Variants in KIAA1614 observed in about 807,000 individuals in gnomAD.
KIAA1614 encodes the protein uncharacterized protein KIAA1614.
Under a neutral mutation model 88.7 loss-of-function variants are expected in KIAA1614, and 76 were observed. That is an observed-to-expected ratio of 0.86 (90% CI 0.71 to 1.04). The LOEUF (loss-of-function observed/expected upper bound fraction) is 1.04. Ranked by LOEUF, KIAA1614 falls within the 50% of genes least tolerant of loss-of-function variation. The probability of loss-of-function intolerance (pLI) is 0.00; values close to 1 mark genes in which losing one functional copy is unlikely to be tolerated. For synonymous variants in KIAA1614, 714 were observed against 675.5 expected, an observed-to-expected ratio of 1.06 and a Z score of -0.88; for missense variants, 1,553 against 1,582.5, an observed-to-expected ratio of 0.98 and a Z score of 0.32.
rs1455982762 is a variant in KIAA1614 at position 180,950,446 on chromosome 1, G to A, written c.*4858G>A. 2 of 1,183,532 alleles carry A rather than the reference G, an allele frequency of 1.7e-6. No homozygotes were observed. The highest frequency in any genetic ancestry group is 1.5e-5 in the South Asian group (1 of 66,068). 73.3% of individuals were successfully genotyped at this position (1,183,532 alleles called of 1,614,324 possible). On this transcript the variant is annotated 3_prime_UTR_variant, in exon 9 of 9. Coordinates refer to ENST00000367588, the MANE Select transcript of KIAA1614 (RefSeq NM_020950.2). ...AGGTGAACGGGGCCAAGGTGGCAGG[G>A]CTGGGCTTGGCTCACATTAAGGAGC...
At position 180,935,309 on chromosome 1, in the gene KIAA1614, G is replaced by A. The variant is rs1285813274; in HGVS notation, c.1400G>A (p.Arg467Gln). Reference protein sequence around the residue: ...AREAEFRHLERLQQRQRQVLS... With the variant: ...AREAEFRHLEQLQQRQRQVLS... ...GAAGCCGAGTTCCGTCACCTGGAGCGGCTGCAGCAGCGCCAGCGCCAGGTG... is the reference window on the plus strand; with the variant it reads ...GAAGCCGAGTTCCGTCACCTGGAGCAGCTGCAGCAGCGCCAGCGCCAGGTG... Residue 467 changes from arginine (R) to glutamine (Q), a missense_variant, in exon 5 of 9, where the codon CGG becomes CAG. Coordinates refer to ENST00000367588, the MANE Select transcript of KIAA1614 (RefSeq NM_020950.2). This position sits in a 1 kb window ranked among gnomAD's most constrained non-coding sequence, Gnocchi z 6.1. The A allele has an allele frequency of 3.4e-6, 5 of 1,484,766 alleles. No homozygotes were observed. The highest frequency in any genetic ancestry group is 2.5e-5 in the East Asian group (1 of 39,950). 92.0% of individuals were successfully genotyped at this position (1,484,766 alleles called of 1,614,324 possible). A position where few individuals can be genotyped will look rare whatever the true frequency, so the allele number is the denominator to read the frequency against.
At chr1:180,942,611 TG>T (rs1303430871) in intron 7 of KIAA1614, among the ~76,000 whole-genome samples, 1 of 152,202 alleles carries the variant, frequency 6.6e-6, no homozygotes, top group Non-Finnish European at 1.5e-5. Context: ...ATATTGAAGC[TG>T]GGGGGAATCG....
At position 180,916,375 on chromosome 1, in the gene KIAA1614, A is replaced by G. The variant is rs771117210; in HGVS notation, c.272A>G (p.Lys91Arg). The stretch of plus-strand genomic sequence containing the variant: ...CTGGAATCCAAGGTGAGGGCTTTGA[A>G]GGAGAAGATGACAGTGGCCAAACAG... ...SVLESKVRAL[K>R]EKMTVAKQGV... The change falls in exon 2 of 9, where the codon AAG (lysine) becomes AGG (arginine). Residue 91 changes from lysine (K) to arginine (R), a missense_variant. Coordinates refer to ENST00000367588, the MANE Select transcript of KIAA1614 (RefSeq NM_020950.2). 9.3e-6 allele frequency: 15 copies of G among 1,614,062 alleles called. No homozygotes were observed. Among genetic ancestry groups the G allele is most frequent in the Non-Finnish European group, 1.0e-5 (12 of 1,180,038 alleles).
intron 4 of KIAA1614, among the ~76,000 whole-genome samples, chr1:180,934,248 G>A (rs1446648293): frequency 4.5e-4 from 35 of 77,506 alleles, no homozygotes; most frequent in African/African-American, 1.4e-3. Flanking sequence ...GTAAAACTCC[G>A]TCTCAAAAAA....
Position 180,950,619 on chromosome 1 carries a change from T to A in KIAA1614, c.*5031T>A. The A allele has an allele frequency of 1.3e-5, 9 of 704,094 alleles. No individual in the cohort carries two copies. The highest frequency in any genetic ancestry group is 1.3e-4 in the East Asian group (1 of 7,686). The allele number at this position is 704,094 out of a possible 1,614,324, so 43.6% of individuals were successfully genotyped here. On this transcript the variant is annotated 3_prime_UTR_variant, in exon 9 of 9. Coordinates refer to ENST00000367588, the MANE Select transcript of KIAA1614 (RefSeq NM_020950.2). ...TTGGCAGGAACGTGCTGCACAGAGC[T>A]GCTCTGTGGCGGAAACAGATCCTGG...
Position 180,943,099 on chromosome 1 carries a change from T to C in KIAA1614, c.3160-1290T>C, listed in dbSNP as rs530022711. On this transcript the variant is annotated intron_variant, in intron 7 of 8. Transcript: ENST00000367588. ...TGGAGTGCAGTGGCGCAATGTCTGC[T>C]CACTGCAACCTCGACCTCCCAGGTT... 4.6e-5 allele frequency among the ~76,000 whole-genome samples: 7 copies of C among 151,126 alleles called. 1 individual carries two copies. In the South Asian group the frequency reaches 1.5e-3, roughly 32 times the overall value.
rs746042155 is a variant in KIAA1614, at chr1:180,935,257, G to A, written c.1348G>A (p.Val450Met). 1.3e-6 allele frequency: 2 copies of A among 1,523,690 alleles called. No homozygotes were observed. The highest frequency in any genetic ancestry group is 2.5e-5 in the East Asian group (1 of 40,130). 94.4% of individuals were successfully genotyped at this position (1,523,690 alleles called of 1,614,324 possible). A position where few individuals can be genotyped will look rare whatever the true frequency, so the allele number is the denominator to read the frequency against. ...GAGGCGGGGCCCCTCGCCGTCGCACGTGCGCTTTGAGGATGAGTCCGCCCG... is the reference window on the plus strand; with the variant it reads ...GAGGCGGGGCCCCTCGCCGTCGCACATGCGCTTTGAGGATGAGTCCGCCCG... ...RPRRGPSPSH[V>M]RFEDESAREA... Residue 450 changes from valine to methionine, a missense_variant, in exon 5 of 9, where the codon GTG (valine) becomes ATG (methionine). Val to Met is a conservative substitution (Grantham distance 21, BLOSUM62 1). Transcript: ENST00000367588. The surrounding 1 kb of genome is among the most constrained non-coding windows in gnomAD (Gnocchi z 6.1).
chr1:180,931,187 T>G (rs1211689369), intron 4 of KIAA1614, among the ~76,000 whole-genome samples: 1 of 152,136 alleles, frequency 6.6e-6, no homozygotes, highest in Non-Finnish European at 1.5e-5. Flanking sequence ...ATTTTGCCAT[T>G]TTGGGGATAG....
intron 4 of KIAA1614, among the ~76,000 whole-genome samples, chr1:180,932,514 C>G (rs1021377027): frequency 6.6e-6 from 1 of 152,080 alleles, no homozygotes; most frequent in Non-Finnish European, 1.5e-5. Context: ...TTCCTGGGCC[C>G]CTGTCCATAT....
Position 180,935,152 on chromosome 1 carries a change from A to T in KIAA1614, c.1243A>T (p.Thr415Ser). Residue 415 changes from threonine to serine, a missense_variant, in exon 5 of 9, where the codon ACC becomes TCC. Physicochemically the swap from Thr to Ser is moderately conservative, Grantham distance 58. Coordinates refer to ENST00000367588, the MANE Select transcript of KIAA1614 (RefSeq NM_020950.2). This position sits in a 1 kb window ranked among gnomAD's most constrained non-coding sequence, Gnocchi z 6.1. ...AAGCCCAGCCCGGGACCCCAGGACG[A>T]CCCCTGCCTGCAGAGACAGCCTCCA... ...HRSPARDPRT[T>S]PACRDSLQNG... 6.9e-7 allele frequency: 1 copy of T among 1,453,944 alleles called. No homozygotes were observed. Among genetic ancestry groups the T allele is most frequent in the Admixed American group, 2.7e-5 (1 of 37,128 alleles). 90.1% of individuals were successfully genotyped at this position (1,453,944 alleles called of 1,614,324 possible). A position where few individuals can be genotyped will look rare whatever the true frequency, so the allele number is the denominator to read the frequency against.
chr1:180,938,737 T>C (rs557676190), intron 6 of KIAA1614, 26 bp downstream of exon 6: 13 of 1,610,124 alleles, frequency 8.1e-6, no homozygotes, highest in Admixed American at 1.7e-5. Flanking sequence ...AAGAGCCAGA[T>C]TGCAGAAGGA....
At chr1:180,928,175 G>A in intron 3 of KIAA1614, 1 of 403,400 alleles carries the variant, frequency 2.5e-6, no homozygotes, top group Non-Finnish European at 4.4e-6. Context: ...TGCCTCCAGT[G>A]CCTGAGCAGA....
At chr1:180,918,215 T>G (rs1183711962) in intron 3 of KIAA1614, among the ~76,000 whole-genome samples, 2 of 152,142 alleles carry the variant, frequency 1.3e-5, no homozygotes, top group African/African-American at 4.8e-5. Context: ...CTCTTTATCT[T>G]TAAAGTTGGG....
In KIAA1614 at chr1:180,945,906, A is replaced by G; in HGVS notation, c.*318A>G. The G allele has an allele frequency of 2.8e-6, 2 of 703,698 alleles. No homozygotes were observed. Among genetic ancestry groups the G allele is most frequent in the Non-Finnish European group, 3.7e-6 (2 of 544,832 alleles). The allele number at this position is 703,698 out of a possible 1,614,324, so 43.6% of individuals were successfully genotyped here. On this transcript the variant is annotated 3_prime_UTR_variant, in exon 9 of 9. Coordinates refer to ENST00000367588, the MANE Select transcript of KIAA1614 (RefSeq NM_020950.2). The stretch of plus-strand genomic sequence containing the variant: ...GATCACCTGAGGTCAGGAGTTCGAG[A>G]CCAGTCTGGCCCACATGGTGAAACC...
rs544196239 is a variant in KIAA1614, at chr1:180,918,505, C to A, written c.1061+591C>A. Among the ~76,000 whole-genome samples the A allele has an allele frequency of 2.5e-3, 384 of 152,292 alleles. 1 individual carries two copies. Among genetic ancestry groups the A allele is most frequent in the Non-Finnish European group, 4.4e-3 (300 of 68,018 alleles). ...CTGTCCTTCATGGCAGTGTCCTGAGCCAGGCAGAGTGAGAAAAGTACACTC... is the reference window on the plus strand; with the variant it reads ...CTGTCCTTCATGGCAGTGTCCTGAGACAGGCAGAGTGAGAAAAGTACACTC... On this transcript the variant is annotated intron_variant, in intron 3 of 8. Transcript: ENST00000367588.
chr1:180,944,484 A>G lies in KIAA1614; in HGVS notation c.3255A>G (p.Val1085=). Residue 1085 remains valine, a synonymous_variant, in exon 8 of 9, where the codon GTA becomes GTG. Transcript: ENST00000367588. ...SKGNRSSLYL[V]AGPGDHSAAG... ...GGAACCGGTCCAGCCTCTACCTGGT[A>G]GCAGGGCCAGGGGACCACAGTGCAG... 6.2e-7 allele frequency: 1 copy of G among 1,613,840 alleles called. No homozygotes were observed. The highest frequency in any genetic ancestry group is 8.5e-7 in the Non-Finnish European group (1 of 1,179,830).
At position 180,945,468 on chromosome 1, in the gene KIAA1614, G is replaced by A; in HGVS notation, c.3453G>A (p.Gly1151=). 2 of 1,613,050 alleles carry A rather than the reference G, an allele frequency of 1.2e-6. No homozygotes were observed. Among genetic ancestry groups the A allele is most frequent in the African/African-American group, 2.7e-5 (2 of 75,030 alleles). ...CTTTCGGCTTCTGCGTGGCCTCTGG[G>A]AATGGGCGCCCAGACTCAGGTATGC... ...GGTFGFCVAS[G]NGRPDSGMPS... Residue 1151 remains glycine, a synonymous_variant, in exon 9 of 9, where the codon GGG becomes GGA. Transcript: ENST00000367588.
rs763385199 is a variant in KIAA1614, at chr1:180,941,186, G to T, written c.3060G>T (p.Lys1020Asn). The change falls in exon 7 of 9, where the codon AAG (lysine) becomes AAT (asparagine). Residue 1020 changes from lysine (K) to asparagine (N), a missense_variant. Lys to Asn is a moderately conservative substitution (Grantham distance 94). Transcript: ENST00000367588. ...CCCTGGGCCAGAGTTCCCGGCCCAA[G>T]CTGGGCAAGTCCCGCAGCTACAGTG... Reference protein sequence around the residue: ...FSALGQSSRPKLGKSRSYSVE... With the variant: ...FSALGQSSRPNLGKSRSYSVE... 16 of 1,613,874 alleles carry T rather than the reference G, an allele frequency of 9.9e-6. No homozygotes were observed.
chr1:180,927,577 C>T (rs534961169), intron 3 of KIAA1614, among the ~76,000 whole-genome samples: 5 of 152,324 alleles, frequency 3.3e-5, no homozygotes, highest in East Asian at 1.9e-4. Flanking sequence ...TGGAGAACAA[C>T]GTCTTGTCAG....
Sources: gnomAD v4.1 joint callset for allele counts (sites outside exome capture counted in the v4.1 genomes callset) on GRCh38, gnomAD v4.1.1 for gene constraint, Gnocchi (gnomAD v3.1) non-coding constraint, MANE v1.5 for transcripts, NCBI Gene and HGNC (gene_info 2026-07-23, HGNC 2026-07-21) for gene names.